Variants in BAZ1B observed in about 807,000 individuals in gnomAD.
BAZ1B encodes the protein bromodomain adjacent to zinc finger domain 1B.
Under a neutral mutation model 153.8 loss-of-function variants are expected in BAZ1B, and 22 were observed. That is an observed-to-expected ratio of 0.14 (90% CI 0.10 to 0.20). The LOEUF (loss-of-function observed/expected upper bound fraction) is 0.20, where lower values mean the gene tolerates loss of function less well. Ranked by LOEUF, BAZ1B falls within the 10% of genes least tolerant of loss-of-function variation. The pLI, the probability that BAZ1B is intolerant of heterozygous loss-of-function variation, is 1.00. For synonymous variants in BAZ1B, 676 were observed against 633.4 expected (o/e 1.07, Z -1.01); for missense variants, 1,325 against 1,799.3 (o/e 0.74, Z 4.77).
chr7:73,515,606 C>T (rs990708916), intron 1 of BAZ1B, among the ~76,000 whole-genome samples: 4 of 147,392 alleles, frequency 2.7e-5, no homozygotes, highest in Non-Finnish European at 4.4e-5. Context: ...AGCACCATCT[C>T]GCTTCACTGC....
intron 13 of BAZ1B, among the ~76,000 whole-genome samples, chr7:73,451,497 T>C (rs1371474935): frequency 6.6e-6 from 1 of 152,070 alleles, no homozygotes; most frequent in Non-Finnish European, 1.5e-5. Context: ...GGAACAAAGA[T>C]AGTTGATTCT....
intron 13 of BAZ1B, among the ~76,000 whole-genome samples, chr7:73,459,029 A>T (rs1484681241): frequency 6.6e-6 from 1 of 152,134 alleles, no homozygotes; most frequent in Non-Finnish European, 1.5e-5. Context: ...CGGGTAGATC[A>T]CAAGGTCAAG....
intron 17 of BAZ1B, 105 bp downstream of exon 17, chr7:73,443,879 G>A: frequency 2.6e-6 from 4 of 1,534,162 alleles, no homozygotes; most frequent in Non-Finnish European, 3.6e-6. Context: ...TAAGAAGGAG[G>A]AGGGGGGAGG....
At chr7:73,462,626 T>C in intron 12 of BAZ1B, 1 of 354,838 alleles carries the variant, frequency 2.8e-6, no homozygotes, top group South Asian at 2.7e-5. Flanking sequence ...GTAAAGATGT[T>C]AAATGATGCT....
intron 1 of BAZ1B, among the ~76,000 whole-genome samples, chr7:73,511,254 C>A (rs1268101023): frequency 6.6e-6 from 1 of 151,300 alleles, no homozygotes; most frequent in South Asian, 2.1e-4. Context: ...GGAGACAGTG[C>A]GGCTCCGTCT....
intron 13 of BAZ1B, among the ~76,000 whole-genome samples, chr7:73,452,302 T>C (rs1303078944): frequency 3.3e-5 from 5 of 152,326 alleles, no homozygotes; most frequent in African/African-American, 1.2e-4. Flanking sequence ...TCTCATTGAA[T>C]AGACATTGCA....
chr7:73,459,860 T>A, intron 12 of BAZ1B, 142 bp from the exon 13 acceptor site: 1 of 732,146 alleles, frequency 1.4e-6, no homozygotes, highest in Non-Finnish European at 2.2e-6. Context: ...ACCATTAATT[T>A]AACTGTGCTC....
chr7:73,519,115 TACTC>T (rs1194778266), intron 1 of BAZ1B, among the ~76,000 whole-genome samples: 4 of 152,186 alleles, frequency 2.6e-5, no homozygotes, highest in African/African-American at 9.7e-5. Context: ...ATGTGTGCAT[TACTC>T]ACAACTTCCA....
chr7:73,513,873 GAAAA>G (rs112002099), intron 1 of BAZ1B, among the ~76,000 whole-genome samples: 8 of 141,502 alleles, frequency 5.7e-5, no homozygotes, highest in African/African-American at 1.8e-4. Context: ...ACTATTAAAA[GAAAA>G]AAAAAAACTC....
intron 4 of BAZ1B, among the ~76,000 whole-genome samples, chr7:73,498,085 G>A (rs1256731899): frequency 3.3e-5 from 5 of 151,738 alleles, no homozygotes; most frequent in African/African-American, 7.3e-5. Context: ...TCAGCTTCCC[G>A]AGTAGCTGGG....
At chr7:73,460,962 T>G (rs1583897120) in intron 12 of BAZ1B, among the ~76,000 whole-genome samples, 1 of 152,198 alleles carries the variant, frequency 6.6e-6, no homozygotes, top group East Asian at 1.9e-4. Flanking sequence ...TCTCTCTTTT[T>G]TTTTTTGGTT....
chr7:73,494,523 C>T (rs1301760613), intron 4 of BAZ1B, among the ~76,000 whole-genome samples: 1 of 152,164 alleles, frequency 6.6e-6, no homozygotes, highest in East Asian at 1.9e-4. Context: ...GGTGGGGAGA[C>T]TGCTTGAGCC....
chr7:73,468,227 G>C (rs1243773442), intron 9 of BAZ1B, among the ~76,000 whole-genome samples: 2 of 152,120 alleles, frequency 1.3e-5, no homozygotes, highest in Non-Finnish European at 2.9e-5. Context: ...GAAGCTTATG[G>C]ATCATTTAAC....
intron 3 of BAZ1B, among the ~76,000 whole-genome samples, chr7:73,503,483 C>T (rs1042334379): frequency 2.6e-5 from 4 of 151,828 alleles, no homozygotes; most frequent in African/African-American, 9.7e-5. Context: ...TCAAGCGATC[C>T]TCTTGCCTGT....
intron 2 of BAZ1B, among the ~76,000 whole-genome samples, chr7:73,509,851 G>A (rs1446435656): frequency 1.3e-5 from 2 of 152,080 alleles, no homozygotes; most frequent in South Asian, 2.1e-4. Context: ...ACCCGGTTGG[G>A]TGCAGTGGTT....
chr7:73,497,065 C>CAA (rs1156829240), intron 4 of BAZ1B, among the ~76,000 whole-genome samples: 22 of 49,474 alleles, frequency 4.4e-4, no homozygotes, highest in Non-Finnish European at 6.9e-4. Flanking sequence ...CTGACCTCTA[C>CAA]AAAAAAAAAA....
chr7:73,501,644 G>A (rs895887308), intron 3 of BAZ1B, among the ~76,000 whole-genome samples: 3 of 152,024 alleles, frequency 2.0e-5, no homozygotes, highest in Admixed American at 6.6e-5. Flanking sequence ...GAGAAACCCC[G>A]TTCCTGACCA....
intron 13 of BAZ1B, among the ~76,000 whole-genome samples, chr7:73,457,913 C>G (rs533093346): frequency 6.6e-6 from 1 of 152,194 alleles, no homozygotes; most frequent in African/African-American, 2.4e-5. Context: ...GAAAGCCCCA[C>G]GTACCCCTGC....
At chr7:73,457,522 T>C (rs1033158864) in intron 13 of BAZ1B, among the ~76,000 whole-genome samples, 1 of 152,108 alleles carries the variant, frequency 6.6e-6, no homozygotes, top group Non-Finnish European at 1.5e-5. Flanking sequence ...TTATTCCCAA[T>C]AGCCAAAAGA....
Sources: gnomAD v4.1 joint callset for allele counts (sites outside exome capture counted in the v4.1 genomes callset) on GRCh38, gnomAD v4.1.1 for gene constraint, MANE v1.5 for transcripts, NCBI Gene and HGNC (gene_info 2026-07-23, HGNC 2026-07-21) for gene names.